Variants in SMYD3 observed in about 807,000 individuals in gnomAD.
SMYD3 encodes the protein SET and MYND domain containing 3, also known as histone-lysine N-methyltransferase SMYD3.
In SMYD3, 36 loss-of-function variants were observed where a neutral mutation model predicts 57.7. The ratio of observed to expected loss-of-function variants is 0.62; its 90% confidence interval spans 0.48 to 0.82. The LOEUF (loss-of-function observed/expected upper bound fraction) is 0.82. Ranked by LOEUF, SMYD3 falls within the 40% of genes least tolerant of loss-of-function variation. The pLI, the probability that SMYD3 is intolerant of heterozygous loss-of-function variation, is 0.00. For missense variants in SMYD3, 515 were observed against 538.8 expected, an observed-to-expected ratio of 0.96 and a Z score of 0.44; for synonymous variants, 211 against 195.0, an observed-to-expected ratio of 1.08 and a Z score of -0.68.
chr1:246,145,214 T>C (rs575502493), intron 5 of SMYD3, among the ~76,000 whole-genome samples: 23 of 152,326 alleles, frequency 1.5e-4, no homozygotes, highest in African/African-American at 5.3e-4. Flanking sequence ...CAATGTGACC[T>C]TGATCAAGTT....
At chr1:245,817,016 C>T (rs1054025508) in intron 10 of SMYD3, among the ~76,000 whole-genome samples, 10 of 151,200 alleles carry the variant, frequency 6.6e-5, no homozygotes, top group East Asian at 1.9e-4. Flanking sequence ...ACAAAGCAGC[C>T]GGGAAGCTCG....
chr1:246,443,286 C>A (rs887566563), intron 1 of SMYD3, among the ~76,000 whole-genome samples: 1 of 152,158 alleles, frequency 6.6e-6, no homozygotes, highest in African/African-American at 2.4e-5. Context: ...TCTGCAAGTA[C>A]AGCGTTACAT....
chr1:246,479,331 A>C (rs78631750), intron 1 of SMYD3, among the ~76,000 whole-genome samples: 2,448 of 152,318 alleles, frequency 0.016, 30 homozygotes, highest in Non-Finnish European at 0.024. Context: ...AACCTCTTTA[A>C]GCCTCAGTCA....
chr1:245,837,577 T>C (rs1399492381), intron 10 of SMYD3, among the ~76,000 whole-genome samples: 2 of 152,160 alleles, frequency 1.3e-5, no homozygotes, highest in Non-Finnish European at 2.9e-5. Flanking sequence ...CTTCGCATTT[T>C]TTATCACACT....
At chr1:246,297,751 T>C (rs2064821808) in intron 5 of SMYD3, among the ~76,000 whole-genome samples, 1 of 152,152 alleles carries the variant, frequency 6.6e-6, no homozygotes, top group Non-Finnish European at 1.5e-5. Context: ...ATGCTATGAA[T>C]CTACCCAAGA....
chr1:246,332,065 A>T (rs761633401), intron 3 of SMYD3, among the ~76,000 whole-genome samples: 9 of 152,224 alleles, frequency 5.9e-5, no homozygotes, highest in African/African-American at 2.2e-4. Context: ...TAGGCCAATT[A>T]ATAACTTTAC....
intron 10 of SMYD3, among the ~76,000 whole-genome samples, chr1:245,777,160 G>A (rs922726172): frequency 6.6e-6 from 1 of 152,156 alleles, no homozygotes; most frequent in Admixed American, 6.5e-5. Flanking sequence ...AAGAATAATG[G>A]TAATTACAGT....
At chr1:245,957,960 G>A (rs1197550220) in intron 5 of SMYD3, among the ~76,000 whole-genome samples, 1 of 151,200 alleles carries the variant, frequency 6.6e-6, no homozygotes, top group Admixed American at 6.6e-5. Context: ...TTAATCTAAT[G>A]TTAGAACTCC....
At chr1:246,186,744 A>T in intron 5 of SMYD3, 1 of 985,346 alleles carries the variant, frequency 1.0e-6, no homozygotes, top group Non-Finnish European at 1.2e-6. Context: ...AATACTTACA[A>T]TAATCCCACC....
chr1:246,098,810 G>A (rs575006585), intron 5 of SMYD3, among the ~76,000 whole-genome samples: 3 of 123,182 alleles, frequency 2.4e-5, no homozygotes, highest in Admixed American at 8.8e-5. Flanking sequence ...GTAGTTATAT[G>A]TACATGTATA....
At chr1:245,750,743 G>A (rs2045311354) in intron 11 of SMYD3, among the ~76,000 whole-genome samples, 2 of 151,966 alleles carry the variant, frequency 1.3e-5, no homozygotes, top group African/African-American at 4.8e-5. Flanking sequence ...GGGTGGGGTG[G>A]ACTGGGGAGA....
chr1:246,088,956 G>A (rs1367603707), intron 5 of SMYD3, among the ~76,000 whole-genome samples: 1 of 152,040 alleles, frequency 6.6e-6, no homozygotes, highest in Non-Finnish European at 1.5e-5. Context: ...TATTGTGTAG[G>A]TAATTACTTG....
At position 246,305,236 on chromosome 1, in the gene SMYD3, T is replaced by C. The variant is rs183862633; in HGVS notation, c.531+21965A>G. Reference sequence around the variant, plus strand: ...AGTGAAACAATGATTAAAGATTCTGTTTCATATTTTATTCTAAAATCTTAC... The same window carrying C: ...AGTGAAACAATGATTAAAGATTCTGCTTCATATTTTATTCTAAAATCTTAC... On this transcript the variant is annotated intron_variant, in intron 5 of 11. Transcript: ENST00000490107. 1.6e-4 allele frequency among the ~76,000 whole-genome samples: 24 copies of C among 152,324 alleles called. No individual in the cohort carries two copies. In the East Asian group the frequency reaches 4.0e-3, roughly 26 times the overall value.
intron 1 of SMYD3, among the ~76,000 whole-genome samples, chr1:246,469,571 TA>T (rs2067930591): frequency 6.6e-6 from 1 of 151,674 alleles, no homozygotes; most frequent in Non-Finnish European, 1.5e-5. Context: ...AGCATCAAAA[TA>T]AATAAGAACA....
intron 5 of SMYD3, among the ~76,000 whole-genome samples, chr1:246,229,487 T>C (rs150070526): frequency 2.7e-4 from 41 of 152,348 alleles, no homozygotes; most frequent in African/African-American, 9.6e-4. Flanking sequence ...AAGTTTACAA[T>C]TGCCCTTTAT....
chr1:246,444,387 G>C (rs2067520961), intron 1 of SMYD3, among the ~76,000 whole-genome samples: 1 of 152,084 alleles, frequency 6.6e-6, no homozygotes. Flanking sequence ...GCCTCCCAAA[G>C]TGCTGGGATT....
intron 5 of SMYD3, among the ~76,000 whole-genome samples, chr1:246,195,585 A>G (rs2062817700): frequency 6.6e-6 from 1 of 151,844 alleles, no homozygotes; most frequent in Non-Finnish European, 1.5e-5. Flanking sequence ...ATATACAAAT[A>G]TATACACACA....
chr1:246,169,248 A>T (rs969773633), intron 5 of SMYD3, among the ~76,000 whole-genome samples: 4 of 152,038 alleles, frequency 2.6e-5, no homozygotes, highest in African/African-American at 9.7e-5. Context: ...TATCTTCCAC[A>T]CTGCAACGAA....
chr1:246,179,450 C>A (rs2062495423), intron 5 of SMYD3, among the ~76,000 whole-genome samples: 1 of 152,178 alleles, frequency 6.6e-6, no homozygotes, highest in Admixed American at 6.5e-5. Context: ...CCACTGAATT[C>A]TATTTTCTCA....
Sources: allele counts gnomAD v4.1 joint callset (sites outside exome capture counted in the v4.1 genomes callset), GRCh38; gene constraint gnomAD v4.1.1; transcripts MANE v1.5; gene names NCBI Gene and HGNC (gene_info 2026-07-23, HGNC 2026-07-21).